STXBP3: variants seen among roughly 807,000 people sequenced by gnomAD.
STXBP3 encodes syntaxin-binding protein 3.
A neutral mutation model predicts 85.7 loss-of-function variants in STXBP3; 41 were observed. That is an observed-to-expected ratio of 0.48 (90% CI 0.37 to 0.62). The LOEUF is 0.62. Ranked by LOEUF, STXBP3 falls within the 20% of genes least tolerant of loss-of-function variation. STXBP3 has a pLI of 0.00. For missense variants in STXBP3, 563 were observed against 703.1 expected, an observed-to-expected ratio of 0.80 and a Z score of 2.25; for synonymous variants, 229 against 231.7, an observed-to-expected ratio of 0.99 and a Z score of 0.10.
At chr1:108,793,501 GT>G in intron 11 of STXBP3, 80 bp from the exon 12 acceptor site, 1 of 1,237,542 alleles carries the variant, frequency 8.1e-7, no homozygotes, top group Non-Finnish European at 1.1e-6. Flanking sequence ...TTGATAATTT[GT>G]AAAACTCTAG....
At chr1:108,768,299 G>A (rs940432982) in intron 6 of STXBP3, among the ~76,000 whole-genome samples, 4 of 151,972 alleles carry the variant, frequency 2.6e-5, no homozygotes, top group Non-Finnish European at 4.4e-5. Flanking sequence ...TAGTAGAGAT[G>A]GGGTTGCCCA....
At chr1:108,748,293 G>C (rs1276649261) in intron 1 of STXBP3, among the ~76,000 whole-genome samples, 1 of 152,128 alleles carries the variant, frequency 6.6e-6, no homozygotes, top group Non-Finnish European at 1.5e-5. Flanking sequence ...CAACACTTTG[G>C]GAGGCCGGGG....
At chr1:108,787,397 T>C (rs1388243567) in intron 11 of STXBP3, among the ~76,000 whole-genome samples, 1 of 152,222 alleles carries the variant, frequency 6.6e-6, no homozygotes, top group African/African-American at 2.4e-5. Flanking sequence ...CTGTTTCGGC[T>C]AGTAAAGTCC....
intron 17 of STXBP3, among the ~76,000 whole-genome samples, chr1:108,801,660 T>G (rs1322417058): frequency 1.3e-5 from 2 of 151,154 alleles, no homozygotes; most frequent in Non-Finnish European, 2.9e-5. Flanking sequence ...TTTTTTAATT[T>G]TTTTTTTTTT....
At chr1:108,787,345 G>A (rs1200045004) in intron 11 of STXBP3, among the ~76,000 whole-genome samples, 1 of 152,112 alleles carries the variant, frequency 6.6e-6, no homozygotes, top group Non-Finnish European at 1.5e-5. Context: ...TAATCTTCCA[G>A]AGGTGTCCAA....
chr1:108,785,132 T>G (rs1325916362), intron 11 of STXBP3, among the ~76,000 whole-genome samples: 1 of 152,182 alleles, frequency 6.6e-6, no homozygotes, highest in Non-Finnish European at 1.5e-5. Flanking sequence ...CTTCTCACAG[T>G]TCACTAGGCA....
At chr1:108,764,542 C>T (rs56276618) in intron 6 of STXBP3, among the ~76,000 whole-genome samples, 5,490 of 152,210 alleles carry the variant, frequency 0.036, 163 homozygotes, top group African/African-American at 0.091. Flanking sequence ...CTTTTCCCTG[C>T]GGCCTCACCA....
At chr1:108,792,442 G>C (rs1473046850) in intron 11 of STXBP3, among the ~76,000 whole-genome samples, 1 of 152,176 alleles carries the variant, frequency 6.6e-6, no homozygotes, top group Non-Finnish European at 1.5e-5. Flanking sequence ...CGTGCATACA[G>C]TGTGTAATGA....
In STXBP3 at chr1:108,798,242, A is replaced by G; in HGVS notation, c.1449+5A>G. On this transcript the variant is annotated splice_donor_5th_base_variant and intron_variant, in intron 16 of 18. Transcript: ENST00000370008. ...TTTATCAAAGATATTATGGAGGTAA[A>G]AATCATTAAAATGTTTTTTTCTACC... 1.3e-6 allele frequency: 2 copies of G among 1,598,876 alleles called. No homozygotes were observed. Among genetic ancestry groups the G allele is most frequent in the East Asian group, 4.5e-5 (2 of 44,706 alleles).
chr1:108,752,859 CTGTT>C (rs1356116504), intron 2 of STXBP3, among the ~76,000 whole-genome samples, 200 bp from the exon 3 acceptor site: 3 of 152,202 alleles, frequency 2.0e-5, no homozygotes, highest in East Asian at 3.9e-4. Flanking sequence ...AGAAATATTT[CTGTT>C]TGTTTACTTA....
intron 11 of STXBP3, among the ~76,000 whole-genome samples, chr1:108,791,786 C>A (rs141950618): frequency 5.8e-4 from 88 of 152,256 alleles, no homozygotes; most frequent in Non-Finnish European, 5.6e-4. Flanking sequence ...AAAATGTCCT[C>A]ATGCCCGTTT....
chr1:108,801,870 T>A (rs1353310351), intron 17 of STXBP3, among the ~76,000 whole-genome samples: 1 of 151,972 alleles, frequency 6.6e-6, no homozygotes, highest in Admixed American at 6.6e-5. Flanking sequence ...GGTCTCACTA[T>A]GTTGCCCAGG....
chr1:108,758,583 C>T lies in STXBP3; in HGVS notation c.332C>T (p.Thr111Ile). ...NKYKAAYIYF[T>I]DFCPDNLFNK... ...TATAAAGCAGCATATATTTACTTCA[C>T]TGACTGTAAGTCTTTTAAAAAGTTA... The change falls in exon 5 of 19, where the codon ACT becomes ATT. Residue 111 changes from threonine (T) to isoleucine (I), a missense_variant. Physicochemically the swap from Thr to Ile is moderately conservative, Grantham distance 89 (BLOSUM62 -1). Around this residue, in one of 3 missense-constraint regions of STXBP3, gnomAD observed 494 missense variants for 592.8 expected, o/e 0.83. Coordinates refer to ENST00000370008, the MANE Select transcript of STXBP3 (RefSeq NM_007269.4). 6.7e-7 allele frequency: 1 copy of T among 1,503,322 alleles called. No individual in the cohort carries two copies. The highest frequency in any genetic ancestry group is 1.4e-5 in the South Asian group (1 of 72,756). The allele number at this position is 1,503,322 out of a possible 1,614,324, so 93.1% of individuals were successfully genotyped here.
At position 108,772,775 on chromosome 1, in the gene STXBP3, A is replaced by G. The variant is rs773584300; in HGVS notation, c.549A>G (p.Thr183=). 1 of 1,602,694 alleles carries G rather than the reference A, an allele frequency of 6.2e-7. No homozygotes were observed. Among genetic ancestry groups the G allele is most frequent in the Middle Eastern group, 1.7e-4 (1 of 6,014 alleles). ...IMETMADQIV[T]VCATLDENPG... ...AAACAATGGCTGACCAGATAGTTAC[A>G]GTGTGTGCCACCTTGGATGAAAATC... is the stretch of plus-strand genomic sequence containing the variant. The change falls in exon 7 of 19, where the codon ACA becomes ACG. Residue 183 remains threonine (T), a synonymous_variant. Coordinates refer to ENST00000370008, the MANE Select transcript of STXBP3 (RefSeq NM_007269.4).
chr1:108,759,897 G>A, intron 5 of STXBP3, 88 bp from the exon 6 acceptor site: 1 of 774,668 alleles, frequency 1.3e-6, no homozygotes, highest in Non-Finnish European at 2.1e-6. Flanking sequence ...CAGTAATTAT[G>A]TATAACTATT....
intron 4 of STXBP3, 111 bp downstream of exon 4, chr1:108,756,877 C>T (rs1662033456): frequency 1.4e-6 from 1 of 705,274 alleles, no homozygotes; most frequent in Non-Finnish European, 2.1e-6. Flanking sequence ...AAAATATTGC[C>T]ATAAACTAGT....
intron 1 of STXBP3, among the ~76,000 whole-genome samples, chr1:108,751,810 T>A (rs1263741453): frequency 6.6e-6 from 1 of 152,174 alleles, no homozygotes; most frequent in Non-Finnish European, 1.5e-5. Context: ...AATGCTGTGA[T>A]ATGTATTGTT....
intron 14 of STXBP3, 27 bp downstream of exon 14, chr1:108,796,399 A>C (rs1557814495): frequency 1.4e-6 from 2 of 1,404,016 alleles, no homozygotes. Context: ...CTTTTTAATA[A>C]GTATTTTACT....
Position 108,796,392 on chromosome 1 carries a change from T to C in STXBP3, c.1249+20T>C, listed in dbSNP as rs1328011290. On this transcript the variant is annotated intron_variant, in intron 14 of 18. Transcript: ENST00000370008. The stretch of plus-strand genomic sequence containing the variant: ...TTAATGGTAATGGAGATAATCACTT[T>C]TTAATAAGTATTTTACTATTGATCA... 1 of 1,428,108 alleles carries C rather than the reference T, an allele frequency of 7.0e-7. No individual in the cohort carries two copies. Among genetic ancestry groups the C allele is most frequent in the Non-Finnish European group, 9.7e-7 (1 of 1,030,824 alleles). 88.5% of individuals were successfully genotyped at this position (1,428,108 alleles called of 1,614,324 possible). A position where few individuals can be genotyped will look rare whatever the true frequency, so the allele number is the denominator to read the frequency against.
Sources: gnomAD v4.1 joint callset for allele counts (sites outside exome capture counted in the v4.1 genomes callset) on GRCh38, gnomAD v4.1.1 for gene constraint, gnomAD v4.1.1 regional missense constraint, MANE v1.5 for transcripts, NCBI Gene and HGNC (gene_info 2026-07-23, HGNC 2026-07-21) for gene names.